EIF4G3: variants seen among roughly 807,000 people sequenced by gnomAD.
EIF4G3 encodes the protein eukaryotic translation initiation factor 4 gamma 3, also known as eIF-4-gamma 3.
EIF4G3 carries 34 observed loss-of-function variants against 186.4 expected under a neutral mutation model. That is an observed-to-expected ratio of 0.18 (90% CI 0.14 to 0.24). EIF4G3 has a LOEUF of 0.24. EIF4G3 is among the 10% of genes least tolerant of loss of function. The pLI is 1.00. For synonymous variants in EIF4G3, 673 were observed against 679.5 expected (o/e 0.99, Z 0.15); for missense variants, 1,536 against 1,948.5 (o/e 0.79, Z 3.99).
chr1:20,928,104 T>C (rs1341416070), intron 14 of EIF4G3, among the ~76,000 whole-genome samples: 3 of 152,084 alleles, frequency 2.0e-5, no homozygotes, highest in Non-Finnish European at 4.4e-5. Context: ...GTACATTCAA[T>C]ACCAAGCTGA....
intron 35 of EIF4G3, among the ~76,000 whole-genome samples, chr1:20,812,798 C>G (rs936046356): frequency 6.6e-6 from 1 of 152,058 alleles, no homozygotes; most frequent in Admixed American, 6.6e-5. Context: ...TAACCCTATA[C>G]TGATAATTAG....
chr1:20,846,712 G>C (rs1011119452), intron 29 of EIF4G3, among the ~76,000 whole-genome samples: 1 of 152,148 alleles, frequency 6.6e-6, no homozygotes, highest in African/African-American at 2.4e-5. Context: ...AGCACACTTA[G>C]GTATTCAATA....
At chr1:20,997,668 A>G in intron 6 of EIF4G3, 35 bp from the exon 7 acceptor site, 1 of 1,512,766 alleles carries the variant, frequency 6.6e-7, no homozygotes, top group Non-Finnish European at 8.9e-7. Flanking sequence ...ACAAAAGGAA[A>G]GGCACAAAGA....
At chr1:20,988,345 T>C (rs948493374) in intron 7 of EIF4G3, 1 of 170,320 alleles carries the variant, frequency 5.9e-6, no homozygotes, top group Non-Finnish European at 1.5e-5. Flanking sequence ...CAAGATGTCA[T>C]GCATTGACTT....
At chr1:21,018,093 C>T (rs2089711423) in intron 4 of EIF4G3, among the ~76,000 whole-genome samples, 1 of 151,698 alleles carries the variant, frequency 6.6e-6, no homozygotes, top group Admixed American at 6.6e-5. Context: ...CATGTGCCAC[C>T]ATGCCCAGTA....
chr1:21,168,673 G>T (rs1233177419), intron 2 of EIF4G3, among the ~76,000 whole-genome samples: 1 of 151,972 alleles, frequency 6.6e-6, no homozygotes, highest in Non-Finnish European at 1.5e-5. Flanking sequence ...TGATCCTCCT[G>T]CCCCAGCCTC....
chr1:21,167,729 G>T (rs1451213882), intron 2 of EIF4G3, among the ~76,000 whole-genome samples: 1 of 152,080 alleles, frequency 6.6e-6, no homozygotes, highest in Admixed American at 6.6e-5. Context: ...CTGCAATCCA[G>T]CCTGGGCAAC....
chr1:21,076,199 T>C (rs1016526734), intron 3 of EIF4G3, among the ~76,000 whole-genome samples: 1 of 152,142 alleles, frequency 6.6e-6, no homozygotes, highest in Non-Finnish European at 1.5e-5. Context: ...TCTTTGGAAA[T>C]AGATCTGTAC....
chr1:20,894,277 C>A (rs1284494355), intron 17 of EIF4G3, among the ~76,000 whole-genome samples: 4 of 152,120 alleles, frequency 2.6e-5, no homozygotes. Flanking sequence ...ACAGATAAGG[C>A]AGCAGGACAG....
intron 4 of EIF4G3, among the ~76,000 whole-genome samples, chr1:21,007,539 A>AAAAAAAAAAAAAC: frequency 8.0e-6 from 1 of 125,412 alleles, no homozygotes; most frequent in Non-Finnish European, 1.7e-5. Context: ...AAAAAAAAAC[A>AAAAAAAAAAAAAC]CACTCAAAAA....
At chr1:21,132,136 T>C (rs933095635) in intron 2 of EIF4G3, among the ~76,000 whole-genome samples, 6 of 152,168 alleles carry the variant, frequency 3.9e-5, no homozygotes, top group African/African-American at 1.4e-4. Flanking sequence ...TAGATATTTT[T>C]ATTCAAAACT....
intron 2 of EIF4G3, among the ~76,000 whole-genome samples, chr1:21,103,838 T>G (rs2096569014): frequency 6.6e-6 from 1 of 152,108 alleles, no homozygotes; most frequent in Non-Finnish European, 1.5e-5. Flanking sequence ...AGCAAGACTC[T>G]GTCTCAGAAC....
At chr1:21,074,781 G>C (rs2095536515) in intron 3 of EIF4G3, among the ~76,000 whole-genome samples, 1 of 152,126 alleles carries the variant, frequency 6.6e-6, no homozygotes, top group African/African-American at 2.4e-5. Context: ...TATTAAAAAA[G>C]AAAACTAATC....
At chr1:20,941,279 T>G in intron 14 of EIF4G3, 1 of 1,551,090 alleles carries the variant, frequency 6.4e-7, no homozygotes, top group Non-Finnish European at 8.7e-7. Context: ...TTTTGTATAT[T>G]TGGAAATTCT....
intron 33 of EIF4G3, among the ~76,000 whole-genome samples, chr1:20,823,091 T>G (rs1167508526): frequency 6.6e-6 from 1 of 152,216 alleles, no homozygotes; most frequent in Non-Finnish European, 1.5e-5. Flanking sequence ...CCCAGCTTCT[T>G]TAAAATCTTT....
intron 7 of EIF4G3, among the ~76,000 whole-genome samples, chr1:20,992,392 G>C (rs2081321352): frequency 6.6e-6 from 1 of 151,904 alleles, no homozygotes. Flanking sequence ...AAACCTTTAG[G>C]GATCATAATG....
chr1:21,126,564 G>A (rs899412909), intron 2 of EIF4G3, among the ~76,000 whole-genome samples: 1 of 151,968 alleles, frequency 6.6e-6, no homozygotes, highest in Non-Finnish European at 1.5e-5. Context: ...AATGGCATGG[G>A]AGGATCCCTT....
chr1:21,046,209 A>G (rs947052765), intron 4 of EIF4G3, among the ~76,000 whole-genome samples: 12 of 152,236 alleles, frequency 7.9e-5, no homozygotes, highest in African/African-American at 2.9e-4. Flanking sequence ...GGAAACTGAA[A>G]AGAATCTATG....
chr1:20,993,899 C>T (rs1412482729), intron 7 of EIF4G3, among the ~76,000 whole-genome samples: 1 of 152,156 alleles, frequency 6.6e-6, no homozygotes, highest in Non-Finnish European at 1.5e-5. Flanking sequence ...TTATGCAAGT[C>T]TCTATGTCTT....
Sources: gnomAD v4.1 joint callset for allele counts (sites outside exome capture counted in the v4.1 genomes callset) on GRCh38, gnomAD v4.1.1 for gene constraint, MANE v1.5 for transcripts, NCBI Gene and HGNC (gene_info 2026-07-23, HGNC 2026-07-21) for gene names.